Variants in DCAF5 observed in about 807,000 individuals in gnomAD.
The protein encoded by DCAF5 is DDB1 and CUL4 associated factor 5, also known as DDB1- and CUL4-associated factor 5.
A neutral mutation model predicts 80.7 loss-of-function variants in DCAF5; 9 were observed. The observed-to-expected ratio is 0.11, with a 90% CI of 0.07 to 0.19. The LOEUF is 0.19. Among genes scored for constraint, DCAF5 ranks in the 10% least tolerant of loss-of-function variants. The probability of loss-of-function intolerance (pLI) is 1.00; values close to 1 mark genes in which losing one functional copy is unlikely to be tolerated. For missense variants in DCAF5, 842 were observed against 1,205.7 expected, an observed-to-expected ratio of 0.70 and a Z score of 4.47; for synonymous variants, 433 against 461.9, an observed-to-expected ratio of 0.94 and a Z score of 0.80.
intron 6 of DCAF5, among the ~76,000 whole-genome samples, chr14:69,076,790 T>C (rs1194046423): frequency 6.6e-6 from 1 of 152,216 alleles, no homozygotes; most frequent in Non-Finnish European, 1.5e-5. Flanking sequence ...ATGTTATGTA[T>C]ATTTTACCAC....
chr14:69,103,213 A>C (rs1420753025), intron 5 of DCAF5, among the ~76,000 whole-genome samples: 1 of 152,258 alleles, frequency 6.6e-6, no homozygotes, highest in Non-Finnish European at 1.5e-5. Context: ...AAAACATAGA[A>C]GCATATGGAA....
At chr14:69,063,204 C>G (rs755374050) in intron 7 of DCAF5, among the ~76,000 whole-genome samples, 1 of 152,112 alleles carries the variant, frequency 6.6e-6, no homozygotes, top group African/African-American at 2.4e-5. Context: ...AAGAGGACAT[C>G]GATAGAAAGC....
chr14:69,118,082 G>T lies in DCAF5; in HGVS notation c.535+57C>A. The T allele has an allele frequency of 6.3e-7, 1 of 1,597,562 alleles. No individual in the cohort carries two copies. Among genetic ancestry groups the T allele is most frequent in the South Asian group, 1.1e-5 (1 of 89,840 alleles). ...TGAGGTAATAAATTGGATCTTCAAT[G>T]AATCTGACATCAAACTGTTCAACAC... On this transcript the variant is annotated intron_variant, in intron 4 of 8. Transcript: ENST00000341516. This position sits in a 1 kb window ranked among gnomAD's most constrained non-coding sequence, Gnocchi z 4.0.
Position 69,124,536 on chromosome 14 carries a change from T to C in DCAF5, c.215-2176A>G, listed in dbSNP as rs1452387037. Among the ~76,000 whole-genome samples, 3 of 152,342 alleles carry C rather than the reference T, an allele frequency of 2.0e-5. No homozygotes were observed. The East Asian group carries it at 5.8e-4, about 29-fold the overall frequency. ...CCTTCCATTGTCAGTCCAAATCAAG[T>C]CGTCCACCAAACTGATGTCTTAAGT... On this transcript the variant is annotated intron_variant, in intron 1 of 8. Transcript: ENST00000341516.
intron 5 of DCAF5, among the ~76,000 whole-genome samples, chr14:69,100,129 G>C (rs2039899442): frequency 6.6e-6 from 1 of 152,138 alleles, no homozygotes; most frequent in Non-Finnish European, 1.5e-5. Context: ...TATACATATT[G>C]ATGGATATAT....
At chr14:69,092,801 G>T (rs2001998) in intron 5 of DCAF5, among the ~76,000 whole-genome samples, 47,649 of 152,038 alleles carry the variant, frequency 0.31, 9,565 homozygotes, top group East Asian at 0.9. Context: ...AATTAGAAAA[G>T]GAAAATGACT....
At chr14:69,084,038 T>G in intron 6 of DCAF5, 1 of 780,550 alleles carries the variant, frequency 1.3e-6, no homozygotes, top group East Asian at 2.4e-5. Flanking sequence ...GGGATCTTCT[T>G]GCAGCTACAA....
intron 1 of DCAF5, among the ~76,000 whole-genome samples, chr14:69,131,054 A>G (rs567474644): frequency 2.0e-4 from 31 of 152,322 alleles, no homozygotes; most frequent in African/African-American, 7.0e-4. Flanking sequence ...TTGTGTCCGT[A>G]AAGTATCATC....
At chr14:69,077,987 C>T (rs761197096) in intron 6 of DCAF5, among the ~76,000 whole-genome samples, 2 of 152,102 alleles carry the variant, frequency 1.3e-5, no homozygotes, top group African/African-American at 2.4e-5. Flanking sequence ...CTCTGTAAGG[C>T]TCATTTAATT....
chr14:69,110,758 G>A (rs2040333858), intron 5 of DCAF5, among the ~76,000 whole-genome samples: 1 of 151,568 alleles, frequency 6.6e-6, no homozygotes, highest in Non-Finnish European at 1.5e-5. Flanking sequence ...TGAGCCTGTG[G>A]TCTCAGCTAC....
intron 5 of DCAF5, among the ~76,000 whole-genome samples, chr14:69,096,938 G>C (rs2039736678): frequency 6.6e-6 from 1 of 152,076 alleles, no homozygotes; most frequent in African/African-American, 2.4e-5. Flanking sequence ...AAAAAAGCAA[G>C]GGGAAGGAGG....
chr14:69,131,817 A>G (rs948666708), intron 1 of DCAF5, among the ~76,000 whole-genome samples: 10 of 150,954 alleles, frequency 6.6e-5, no homozygotes, highest in Non-Finnish European at 1.3e-4. Context: ...TGTGGCATTA[A>G]CTACATTCAC....
intron 5 of DCAF5, among the ~76,000 whole-genome samples, chr14:69,103,200 T>C (rs1566756722): frequency 6.6e-6 from 1 of 152,220 alleles, no homozygotes; most frequent in African/African-American, 2.4e-5. Flanking sequence ...ACTATTTGTG[T>C]GAAAAACATA....
chr14:69,111,576 G>A (rs1014708514), intron 5 of DCAF5, among the ~76,000 whole-genome samples: 18 of 152,130 alleles, frequency 1.2e-4, no homozygotes, highest in African/African-American at 4.3e-4. Context: ...AGCTAAAACC[G>A]GCAATGAAAA....
chr14:69,053,565 G>T lies in DCAF5; in HGVS notation c.*292C>A. 1 of 334,268 alleles carries T rather than the reference G, an allele frequency of 3.0e-6. No homozygotes were observed. Among genetic ancestry groups the T allele is most frequent in the Non-Finnish European group, 5.5e-6 (1 of 183,366 alleles). 20.7% of individuals were successfully genotyped at this position (334,268 alleles called of 1,614,324 possible). A position where few individuals can be genotyped will look rare whatever the true frequency, so the allele number is the denominator to read the frequency against. On this transcript the variant is annotated 3_prime_UTR_variant, in exon 9 of 9. Transcript: ENST00000341516. ...AGAACAAGTCGAACGTCTCAACAAA[G>T]ATTTACTTCCACAGAGCCTTGCGCG...
chr14:69,051,981 T>C lies in DCAF5; in HGVS notation c.*1876A>G, dbSNP rs938065044. 2 of 152,608 alleles carry C rather than the reference T, an allele frequency of 1.3e-5. No individual in the cohort carries two copies. Among genetic ancestry groups the C allele is most frequent in the Admixed American group, 6.5e-5 (1 of 15,284 alleles). The allele number at this position is 152,608 out of a possible 1,614,324, so 9.5% of individuals were successfully genotyped here. On this transcript the variant is annotated 3_prime_UTR_variant, in exon 9 of 9. Coordinates refer to ENST00000341516, the MANE Select transcript of DCAF5 (RefSeq NM_003861.3). The stretch of plus-strand genomic sequence containing the variant: ...TCTGTGAATAGTCAAAGACAAATCA[T>C]AGAACCAATCTGATTACAAATCCAA...
intron 1 of DCAF5, among the ~76,000 whole-genome samples, chr14:69,134,040 C>T (rs998137564): frequency 2.0e-5 from 3 of 152,166 alleles, no homozygotes; most frequent in African/African-American, 7.2e-5. Context: ...TCCCTTTCTC[C>T]TTACACCAGA....
At chr14:69,063,328 T>C (rs999123728) in intron 7 of DCAF5, among the ~76,000 whole-genome samples, 4 of 152,190 alleles carry the variant, frequency 2.6e-5, no homozygotes, top group Non-Finnish European at 5.9e-5. Flanking sequence ...TTGGGATAAA[T>C]TCAAAGTTTC....
At chr14:69,125,815 C>T (rs148531174) in intron 1 of DCAF5, among the ~76,000 whole-genome samples, 200 of 151,854 alleles carry the variant, frequency 1.3e-3, no homozygotes, top group African/African-American at 4.4e-3. Context: ...AAGCAAGTTT[C>T]GAAAGGATAT....
Sources: gnomAD v4.1 joint callset for allele counts (sites outside exome capture counted in the v4.1 genomes callset) on GRCh38, gnomAD v4.1.1 for gene constraint, Gnocchi (gnomAD v3.1) non-coding constraint, MANE v1.5 for transcripts, NCBI Gene and HGNC (gene_info 2026-07-23, HGNC 2026-07-21) for gene names.